Variants in ALPK3 observed in about 807,000 individuals in gnomAD.
ALPK3 encodes alpha-protein kinase 3.
Under a neutral mutation model 140.0 loss-of-function variants are expected in ALPK3, and 102 were observed. That is an observed-to-expected ratio of 0.73 (90% confidence interval 0.62 to 0.86). The LOEUF (loss-of-function observed/expected upper bound fraction) is 0.86. Ranked by LOEUF, ALPK3 falls within the 40% of genes least tolerant of loss-of-function variation. The probability of loss-of-function intolerance (pLI) is 0.00; values close to 1 mark genes in which losing one functional copy is unlikely to be tolerated. For synonymous variants in ALPK3, 938 were observed against 898.5 expected (o/e 1.04, Z -0.79); for missense variants, 2,254 against 2,208.2 (o/e 1.02, Z -0.42).
intron 1 of ALPK3, among the ~76,000 whole-genome samples, chr15:84,821,080 A>G (rs1026533164): frequency 6.6e-6 from 1 of 151,980 alleles, no homozygotes; most frequent in Admixed American, 6.6e-5. Flanking sequence ...TTCTGCCCCA[A>G]TGTTTGATGC....
intron 11 of ALPK3, among the ~76,000 whole-genome samples, chr15:84,864,147 A>AC (rs1388011799): frequency 6.6e-6 from 1 of 152,150 alleles, no homozygotes; most frequent in Non-Finnish European, 1.5e-5. Context: ...CTTCTGTTTG[A>AC]CACATACATG....
chr15:84,823,207 C>T, intron 1 of ALPK3, 123 bp from the exon 2 acceptor site: 3 of 1,071,282 alleles, frequency 2.8e-6, no homozygotes, highest in Non-Finnish European at 4.2e-6. Context: ...GACAGCTGGT[C>T]CCTTTTAATA....
chr15:84,824,285 G>A (rs1963460912), intron 2 of ALPK3, among the ~76,000 whole-genome samples: 1 of 152,180 alleles, frequency 6.6e-6, no homozygotes, highest in Admixed American at 6.5e-5. Context: ...GTCTGGGCAG[G>A]CTCATGGTCC....
chr15:84,839,684 T>A lies in ALPK3; in HGVS notation c.423-18T>A. 1 of 1,577,902 alleles carries A rather than the reference T, an allele frequency of 6.3e-7. No homozygotes were observed. The highest frequency in any genetic ancestry group is 8.6e-7 in the Non-Finnish European group (1 of 1,161,050). ...CTCCCAGGAGGGGAGAGGTGGCACC[T>A]CCCGCTCCTACCTCTAGGTGTCGAG... On this transcript the variant is annotated intron_variant, in intron 4 of 13. Transcript: ENST00000258888.
At chr15:84,825,258 C>T (rs892655573) in intron 2 of ALPK3, among the ~76,000 whole-genome samples, 1 of 151,854 alleles carries the variant, frequency 6.6e-6, no homozygotes, top group Non-Finnish European at 1.5e-5. Context: ...CTCACTGCAA[C>T]CTCTGCCTGC....
Position 84,859,789 on chromosome 15 carries a change from G to A in ALPK3, c.3979G>A (p.Gly1327Arg). 1.2e-6 allele frequency: 2 copies of A among 1,612,628 alleles called. No homozygotes were observed. The highest frequency in any genetic ancestry group is 1.3e-5 in the African/African-American group (1 of 75,068). The change falls in exon 8 of 14, where the codon GGG becomes AGG. Residue 1327 changes from glycine (G) to arginine (R), a missense_variant. This residue lies in a region of ALPK3 where 2,088 missense variants were observed against 2,022.9 expected (regional missense o/e 1.03). Coordinates refer to ENST00000258888, the MANE Select transcript of ALPK3 (RefSeq NM_020778.5). ...TCCACTCTGCAGCGCAGGGGATGAGGGGCCGGCGGCCTTGGCCATCGTGCA... is the reference window on the plus strand; with the variant it reads ...TCCACTCTGCAGCGCAGGGGATGAGAGGCCGGCGGCCTTGGCCATCGTGCA... ...GEVGRSAGDEGPAALAIVQAS... is the reference protein window; with the variant it reads ...GEVGRSAGDERPAALAIVQAS...
Position 84,858,096 on chromosome 15 carries a change from G to C in ALPK3, c.3358G>C (p.Gly1120Arg). 1 of 1,569,348 alleles carries C rather than the reference G, an allele frequency of 6.4e-7. No homozygotes were observed. Among genetic ancestry groups the C allele is most frequent in the Non-Finnish European group, 8.6e-7 (1 of 1,161,190 alleles). The change falls in exon 6 of 14, where the codon GGG (glycine) becomes CGG (arginine). Residue 1120 changes from glycine (G) to arginine (R), a missense_variant. Gly to Arg is a moderately radical substitution (Grantham distance 125). Around this residue, in one of 3 missense-constraint regions of ALPK3, gnomAD observed 2,088 missense variants for 2,022.9 expected, o/e 1.03. Coordinates refer to ENST00000258888, the MANE Select transcript of ALPK3 (RefSeq NM_020778.5). ...GGCTGGTCGACTGGGGGAGGCGGGT[G>C]GGCAGGCAGCCCCTGGACAGGGGCC... is the stretch of plus-strand genomic sequence containing the variant. ...SMAGRLGEAG[G>R]QAAPGQGPSA... is the part of the protein sequence containing the mutation.
At chr15:84,847,870 C>G (rs949637131) in intron 5 of ALPK3, among the ~76,000 whole-genome samples, 3 of 151,692 alleles carry the variant, frequency 2.0e-5, no homozygotes, top group African/African-American at 4.8e-5. Context: ...ACCAGCCTGA[C>G]CAACATGGTG....
chr15:84,834,369 C>G (rs578165788), intron 3 of ALPK3, among the ~76,000 whole-genome samples: 9 of 152,276 alleles, frequency 5.9e-5, no homozygotes. Context: ...TAACTTTGGA[C>G]AAGAGCTTTA....
Position 84,859,898 on chromosome 15 carries a change from C to T in ALPK3, c.4088C>T (p.Pro1363Leu), listed in dbSNP as rs1412478530. ...GSASTDFCLS[P>L]EVLSGFISRE... Reference sequence around the variant, plus strand: ...GCCTCCACCGACTTCTGCCTCAGCCCTGAGGGTGAGTGTGCCCCGCGGCCC... The same window carrying T: ...GCCTCCACCGACTTCTGCCTCAGCCTTGAGGGTGAGTGTGCCCCGCGGCCC... Residue 1363 changes from proline to leucine, a missense_variant, in exon 8 of 14, where the codon CCT (proline) becomes CTT (leucine). Transcript: ENST00000258888. 1 of 1,613,958 alleles carries T rather than the reference C, an allele frequency of 6.2e-7. No individual in the cohort carries two copies. Among genetic ancestry groups the T allele is most frequent in the Non-Finnish European group, 8.5e-7 (1 of 1,180,044 alleles).
At chr15:84,834,003 A>C (rs1245580194) in intron 3 of ALPK3, among the ~76,000 whole-genome samples, 3 of 146,550 alleles carry the variant, frequency 2.0e-5, no homozygotes, top group Admixed American at 6.7e-5. Flanking sequence ...ATGTGGGTGC[A>C]CATGTTCATA....
At chr15:84,820,734 G>A (rs768351610) in intron 1 of ALPK3, among the ~76,000 whole-genome samples, 29 of 152,074 alleles carry the variant, frequency 1.9e-4, no homozygotes, top group Admixed American at 1.1e-3. Flanking sequence ...TGCCTGCCTC[G>A]GCCTCCCAAA....
At position 84,817,532 on chromosome 15, in the gene ALPK3, GC is replaced by G; in HGVS notation, c.84del (p.Val29CysfsTer80). ...SGAGGDGEDD[G>X]PVWIPSPASR... ...GCGGGGGGCGACGGTGAGGACGACG[GC>G]CCCGTGTGGATCCCCAGCCCAGCCA... On this transcript the variant is annotated frameshift_variant, in exon 1 of 14. Coordinates refer to ENST00000258888, the MANE Select transcript of ALPK3 (RefSeq NM_020778.5). LOFTEE classifies it high-confidence loss of function. 6.7e-7 allele frequency: 1 copy of G among 1,498,228 alleles called. No homozygotes were observed. Among genetic ancestry groups the G allele is most frequent in the Non-Finnish European group, 8.8e-7 (1 of 1,130,072 alleles). 92.8% of individuals were successfully genotyped at this position (1,498,228 alleles called of 1,614,324 possible). A position where few individuals can be genotyped will look rare whatever the true frequency, so the allele number is the denominator to read the frequency against.
In ALPK3 at chr15:84,868,286, T is replaced by C. The variant is rs537717947; in HGVS notation, c.4948T>C (p.Ser1650Pro). 6.2e-6 allele frequency: 10 copies of C among 1,614,030 alleles called. No homozygotes were observed. In the African/African-American group the frequency reaches 1.3e-4, roughly 22 times the overall value. The change falls in exon 14 of 14, where the codon TCC becomes CCC. Residue 1650 changes from serine (S) to proline (P), a missense_variant. This residue lies in a region of ALPK3 where 158 missense variants were observed against 159.8 expected (regional missense o/e 0.99). Coordinates refer to ENST00000258888, the MANE Select transcript of ALPK3 (RefSeq NM_020778.5). The stretch of plus-strand genomic sequence containing the variant: ...GAGTCCATCTGCTGGCAGGAAAGGC[T>C]CCCAGCTGAGTCCTCAGCCCCAGAA... ...SKSPSAGRKG[S>P]QLSPQPQKKG...
At chr15:84,844,338 C>G (rs1963704499) in intron 5 of ALPK3, among the ~76,000 whole-genome samples, 1 of 151,918 alleles carries the variant, frequency 6.6e-6, no homozygotes. Flanking sequence ...ACCTGGGAAG[C>G]AGAGGTTGCA....
rs1198849173 is a variant in ALPK3, at chr15:84,859,269, G to A, written c.3844G>A (p.Val1282Met). The change falls in exon 7 of 14, where the codon GTG (valine) becomes ATG (methionine). Residue 1282 changes from valine (V) to methionine (M), a missense_variant. Val to Met is a conservative substitution (Grantham distance 21). Transcript: ENST00000258888. The part of the protein sequence containing the change: ...KAPQVIRKIR[V>M]EQFPDASGSL... Reference sequence around the variant, plus strand: ...CCCACAGGTGATCCGGAAGATTCGGGTGGAGCAGTTTCCTGATGCCTCCGG... The same window carrying A: ...CCCACAGGTGATCCGGAAGATTCGGATGGAGCAGTTTCCTGATGCCTCCGG... 3 of 1,614,170 alleles carry A rather than the reference G, an allele frequency of 1.9e-6. No individual in the cohort carries two copies. The highest frequency in any genetic ancestry group is 1.7e-4 in the Middle Eastern group (1 of 6,044).
intron 4 of ALPK3, 27 bp from the exon 5 acceptor site, chr15:84,839,675 G>A (rs1963633774): frequency 1.3e-6 from 2 of 1,563,992 alleles, no homozygotes; most frequent in Non-Finnish European, 1.7e-6. Context: ...GGAGGGGAGA[G>A]GTGGCACCTC....
At chr15:84,825,048 C>A (rs1316686079) in intron 2 of ALPK3, among the ~76,000 whole-genome samples, 4 of 152,234 alleles carry the variant, frequency 2.6e-5, no homozygotes. Flanking sequence ...GCCACCCTTT[C>A]AGCTGTTACT....
At chr15:84,843,152 G>T (rs1382230223) in intron 5 of ALPK3, among the ~76,000 whole-genome samples, 1 of 152,150 alleles carries the variant, frequency 6.6e-6, no homozygotes, top group African/African-American at 2.4e-5. Flanking sequence ...TGTCTGTGTT[G>T]GTTCCACTGC....
Sources: gnomAD v4.1 joint callset for allele counts (sites outside exome capture counted in the v4.1 genomes callset) on GRCh38, gnomAD v4.1.1 for gene constraint, gnomAD v4.1.1 regional missense constraint, MANE v1.5 for transcripts, NCBI Gene and HGNC (gene_info 2026-07-23, HGNC 2026-07-21) for gene names.